IL1RL1: variants seen among roughly 807,000 people sequenced by gnomAD.
IL1RL1 encodes interleukin-1 receptor-like 1.
Under a neutral mutation model 50.9 loss-of-function variants are expected in IL1RL1, and 32 were observed. The ratio of observed to expected loss-of-function variants is 0.63; its 90% confidence interval spans 0.47 to 0.84. The LOEUF is 0.84. IL1RL1 is among the 40% of genes least tolerant of loss of function. The pLI is 0.00. For synonymous variants in IL1RL1, 275 were observed against 236.0 expected (o/e 1.17, Z -1.51); for missense variants, 773 against 662.9 (o/e 1.17, Z -1.82).
At chr2:102,343,888 A>G (rs1677683935) in intron 8 of IL1RL1, 2 of 999,076 alleles carry the variant, frequency 2.0e-6, no homozygotes, top group African/African-American at 1.7e-5. Context: ...AAGGGGAAGT[A>G]TCAAACTACT....
rs116328917 is a variant in IL1RL1, at chr2:102,341,754, T to C, written c.611-469T>C. On this transcript the variant is annotated intron_variant, in intron 5 of 10. Transcript: ENST00000233954. Reference sequence around the variant, plus strand: ...ACTGCCCGTCTTTCAGCCTTAGTGGTCACAGGAGTCAGAATTCCGTACGGG... The same window carrying C: ...ACTGCCCGTCTTTCAGCCTTAGTGGCCACAGGAGTCAGAATTCCGTACGGG... Among the ~76,000 whole-genome samples the C allele has an allele frequency of 7.5e-3, 1,139 of 152,262 alleles. 18 individuals carry two copies. The highest frequency in any genetic ancestry group is 0.026 in the African/African-American group (1,095 of 41,558).
At chr2:102,350,433 G>A (rs112198625) in intron 10 of IL1RL1, among the ~76,000 whole-genome samples, 1,629 of 152,154 alleles carry the variant, frequency 0.011, no homozygotes, top group African/African-American at 0.037. Flanking sequence ...ATCTGGAATG[G>A]TTTTCTACTT....
At chr2:102,333,938 A>C (rs1677239968) in intron 1 of IL1RL1, among the ~76,000 whole-genome samples, 1 of 152,174 alleles carries the variant, frequency 6.6e-6, no homozygotes, top group Non-Finnish European at 1.5e-5. Flanking sequence ...GCTGAATAGT[A>C]ATCCGTGGTG....
intron 1 of IL1RL1, among the ~76,000 whole-genome samples, chr2:102,322,137 G>C (rs1367413510): frequency 2.0e-5 from 3 of 152,222 alleles, no homozygotes; most frequent in African/African-American, 7.2e-5. Context: ...AAGAGTTGGT[G>C]TTGTAGTCTT....
chr2:102,347,507 T>C (rs746845099), intron 8 of IL1RL1, among the ~76,000 whole-genome samples: 1 of 152,202 alleles, frequency 6.6e-6, no homozygotes, highest in Non-Finnish European at 1.5e-5. Flanking sequence ...GAAAACACAC[T>C]TCCTCTCTGC....
In IL1RL1 at chr2:102,338,191, G is replaced by T. The variant is rs777148355; in HGVS notation, c.-74G>T. On this transcript the variant is annotated 5_prime_UTR_variant, in exon 2 of 11. Transcript: ENST00000233954. ...TGCCTCATGTGTGGTGACCTTCACT[G>T]TCGTATGCCAGTGACTCATCTGGAG... is the stretch of plus-strand genomic sequence containing the variant. 206 of 969,024 alleles carry T rather than the reference G, an allele frequency of 2.1e-4. No individual in the cohort carries two copies. The highest frequency in any genetic ancestry group is 3.1e-4 in the Non-Finnish European group (191 of 606,816). The allele number at this position is 969,024 out of a possible 1,614,324, so 60.0% of individuals were successfully genotyped here.
Position 102,349,252 on chromosome 2 carries a change from G to T in IL1RL1, c.1285+6G>T, listed in dbSNP as rs570183347. ...AGATATGCTACCTGGAGAAGGTAAA[G>T]CTATTGACATACATTAGGGACAGAA... On this transcript the variant is annotated splice_donor_region_variant and intron_variant, in intron 10 of 10. Transcript: ENST00000233954. The T allele has an allele frequency of 2.8e-5, 45 of 1,611,616 alleles. No homozygotes were observed. Among genetic ancestry groups the T allele is most frequent in the South Asian group, 4.4e-5 (4 of 91,044 alleles).
chr2:102,321,383 A>G (rs1676833688), intron 1 of IL1RL1, among the ~76,000 whole-genome samples: 1 of 152,226 alleles, frequency 6.6e-6, no homozygotes, highest in African/African-American at 2.4e-5. Context: ...GCATGAAAGA[A>G]TAACCCTCAC....
chr2:102,314,005 G>T (rs1471706161), intron 1 of IL1RL1, among the ~76,000 whole-genome samples: 1 of 152,210 alleles, frequency 6.6e-6, no homozygotes, highest in Non-Finnish European at 1.5e-5. Context: ...CTGAATAGGG[G>T]CTGAGGCCTT....
intron 1 of IL1RL1, among the ~76,000 whole-genome samples, chr2:102,327,074 C>T (rs1356709438): frequency 6.6e-6 from 1 of 152,150 alleles, no homozygotes; most frequent in African/African-American, 2.4e-5. Context: ...CCACACCACA[C>T]CTATTCCAAA....
chr2:102,323,526 C>T lies in IL1RL1; in HGVS notation c.-150+11903C>T, dbSNP rs938983539. On this transcript the variant is annotated intron_variant, in intron 1 of 10. Coordinates refer to ENST00000233954, the MANE Select transcript of IL1RL1 (RefSeq NM_016232.5). ...TCTGGTGAGGGCCTCAGGCTGCTTCCAATCCTGGTGGAAGGTTAAGGGGAG... is the reference window on the plus strand; with the variant it reads ...TCTGGTGAGGGCCTCAGGCTGCTTCTAATCCTGGTGGAAGGTTAAGGGGAG... 9.2e-5 allele frequency among the ~76,000 whole-genome samples: 14 copies of T among 152,092 alleles called. 1 individual carries two copies. In the South Asian group the frequency reaches 1.7e-3, roughly 18 times the overall value.
intron 1 of IL1RL1, among the ~76,000 whole-genome samples, chr2:102,334,694 T>G (rs1305883143): frequency 1.3e-5 from 2 of 152,156 alleles, no homozygotes; most frequent in Non-Finnish European, 1.5e-5. Flanking sequence ...CCCTGTCTTT[T>G]GACACTGGTT....
At chr2:102,321,024 G>T (rs1270045462) in intron 1 of IL1RL1, among the ~76,000 whole-genome samples, 1 of 152,224 alleles carries the variant, frequency 6.6e-6, no homozygotes, top group Non-Finnish European at 1.5e-5. Flanking sequence ...CTGCTCTGGA[G>T]TTCCTCATGC....
chr2:102,342,562 C>T (rs1369325297), intron 6 of IL1RL1, among the ~76,000 whole-genome samples: 1 of 152,062 alleles, frequency 6.6e-6, no homozygotes, highest in Admixed American at 6.5e-5. Flanking sequence ...CATCTCTATC[C>T]CAGAGCTTGG....
intron 8 of IL1RL1, among the ~76,000 whole-genome samples, chr2:102,347,100 G>T (rs1233074240): frequency 6.6e-6 from 1 of 152,152 alleles, no homozygotes; most frequent in African/African-American, 2.4e-5. Context: ...AGCCACTTAG[G>T]TGACTCTTGC....
In IL1RL1 at chr2:102,351,973, C is replaced by T. The variant is rs1677950517; in HGVS notation, c.*52C>T. On this transcript the variant is annotated 3_prime_UTR_variant, in exon 11 of 11. Coordinates refer to ENST00000233954, the MANE Select transcript of IL1RL1 (RefSeq NM_016232.5). Reference sequence around the variant, plus strand: ...TGAGTTTGAAGCTTTCCTGACTTCTCCTAGCTGGCTTATGCCCCTGCACTG... The same window carrying T: ...TGAGTTTGAAGCTTTCCTGACTTCTTCTAGCTGGCTTATGCCCCTGCACTG... The T allele has an allele frequency of 2.0e-6, 3 of 1,535,608 alleles. No homozygotes were observed. Among genetic ancestry groups the T allele is most frequent in the Non-Finnish European group, 2.6e-6 (3 of 1,136,880 alleles).
At chr2:102,319,735 C>A (rs1465534281) in intron 1 of IL1RL1, among the ~76,000 whole-genome samples, 1 of 152,196 alleles carries the variant, frequency 6.6e-6, no homozygotes, top group Non-Finnish European at 1.5e-5. Flanking sequence ...GTCATCCAGG[C>A]TGTAGTGCAG....
At chr2:102,339,790 A>G (rs1677470260) in intron 3 of IL1RL1, among the ~76,000 whole-genome samples, 1 of 152,262 alleles carries the variant, frequency 6.6e-6, no homozygotes, top group Non-Finnish European at 1.5e-5. Context: ...ACTGGTACAG[A>G]GTAAACTCTG....
At chr2:102,349,035 T>A (rs753858372) in intron 9 of IL1RL1, 44 bp from the exon 10 acceptor site, 30 of 1,521,446 alleles carry the variant, frequency 2.0e-5, no homozygotes, top group African/African-American at 8.2e-5. Context: ...AGTGAGAATT[T>A]TTAGAATCAA....
Sources: gnomAD v4.1 joint callset for allele counts (sites outside exome capture counted in the v4.1 genomes callset) on GRCh38, gnomAD v4.1.1 for gene constraint, MANE v1.5 for transcripts, NCBI Gene and HGNC (gene_info 2026-07-23, HGNC 2026-07-21) for gene names.